Variants in CNTNAP2 observed in about 807,000 individuals in gnomAD.
CNTNAP2 encodes contactin-associated protein-like 2.
In CNTNAP2, 98 loss-of-function variants were observed where a neutral mutation model predicts 155.2. That is an observed-to-expected ratio of 0.63 (90% CI 0.54 to 0.75). The LOEUF (loss-of-function observed/expected upper bound fraction) is 0.75, where lower values mean the gene tolerates loss of function less well. CNTNAP2 is among the 30% of genes least tolerant of loss of function. The pLI, the probability that CNTNAP2 is intolerant of heterozygous loss-of-function variation, is 0.00. For missense variants in CNTNAP2, 1,727 were observed against 1,688.1 expected, an observed-to-expected ratio of 1.02 and a Z score of -0.40; for synonymous variants, 651 against 631.2, an observed-to-expected ratio of 1.03 and a Z score of -0.47.
intron 17 of CNTNAP2, among the ~76,000 whole-genome samples, chr7:148,151,021 C>T (rs1805286569): frequency 6.6e-6 from 1 of 152,046 alleles, no homozygotes; most frequent in Non-Finnish European, 1.5e-5. Context: ...TGCCTGGCCT[C>T]TTCCAATATT....
intron 11 of CNTNAP2, among the ~76,000 whole-genome samples, chr7:147,501,960 C>T (rs1390238835): frequency 6.6e-6 from 1 of 152,086 alleles, no homozygotes; most frequent in Non-Finnish European, 1.5e-5. Context: ...GAAATCTTCC[C>T]ACTTGTAATA....
At position 147,744,622 on chromosome 7, in the gene CNTNAP2, A is replaced by C. The variant is rs1797007651; in HGVS notation, c.2098+105316A>C. 3.3e-5 allele frequency among the ~76,000 whole-genome samples: 5 copies of C among 152,252 alleles called. No homozygotes were observed. In the South Asian group the frequency reaches 1.0e-3, roughly 32 times the overall value. Reference sequence around the variant, plus strand: ...TGGATGGCATAAGCAACAGAAATTTATTTTCTCACAGTTTTAGAGGCTAGA... The same window carrying C: ...TGGATGGCATAAGCAACAGAAATTTCTTTTCTCACAGTTTTAGAGGCTAGA... On this transcript the variant is annotated intron_variant, in intron 13 of 23. Coordinates refer to ENST00000361727, the MANE Select transcript of CNTNAP2 (RefSeq NM_014141.6).
intron 3 of CNTNAP2, among the ~76,000 whole-genome samples, chr7:146,896,792 A>G (rs1478095756): frequency 1.3e-5 from 2 of 152,114 alleles, no homozygotes; most frequent in African/African-American, 2.4e-5. Context: ...TTACTTTAGT[A>G]AGTAATTTTA....
At chr7:148,226,523 C>T (rs1005577700) in intron 19 of CNTNAP2, among the ~76,000 whole-genome samples, 1 of 152,166 alleles carries the variant, frequency 6.6e-6, no homozygotes, top group Non-Finnish European at 1.5e-5. Flanking sequence ...TCAGCAGCTT[C>T]CCAATCAGAT....
intron 1 of CNTNAP2, among the ~76,000 whole-genome samples, chr7:146,255,648 A>G (rs1030986778): frequency 5.3e-5 from 8 of 152,228 alleles, no homozygotes; most frequent in Admixed American, 4.6e-4. Context: ...GGTTTTATGT[A>G]TGCAAACCTG....
chr7:147,914,495 G>A (rs149671173), intron 14 of CNTNAP2, among the ~76,000 whole-genome samples: 37 of 148,134 alleles, frequency 2.5e-4, no homozygotes, highest in African/African-American at 8.3e-4. Flanking sequence ...AGCCAAGATC[G>A]CATCACTGCA....
intron 1 of CNTNAP2, among the ~76,000 whole-genome samples, chr7:146,396,027 T>C (rs747103495): frequency 6.6e-5 from 10 of 152,142 alleles, no homozygotes; most frequent in Non-Finnish European, 1.3e-4. Flanking sequence ...CGAATGTTCT[T>C]GGCACAGCAT....
chr7:146,747,645 A>C, intron 1 of CNTNAP2, among the ~76,000 whole-genome samples: 1 of 152,096 alleles, frequency 6.6e-6, no homozygotes, highest in East Asian at 1.9e-4. Context: ...GTAACCCATT[A>C]AACTCTATTT....
chr7:147,823,890 T>C (rs2116625376), intron 13 of CNTNAP2, among the ~76,000 whole-genome samples: 1 of 152,310 alleles, frequency 6.6e-6, no homozygotes, highest in African/African-American at 2.4e-5. Flanking sequence ...CAACAACTGT[T>C]ATATTTAAAA....
chr7:147,102,347 T>C (rs1046951691), intron 4 of CNTNAP2, among the ~76,000 whole-genome samples: 1 of 147,010 alleles, frequency 6.8e-6, no homozygotes, highest in Non-Finnish European at 1.5e-5. Flanking sequence ...GGATAATGGA[T>C]ATAATAAAAG....
chr7:146,822,124 A>G (rs572236202), intron 2 of CNTNAP2, among the ~76,000 whole-genome samples: 2 of 152,168 alleles, frequency 1.3e-5, no homozygotes, highest in South Asian at 4.1e-4. Flanking sequence ...CATATACACT[A>G]TGGAATACTA....
intron 1 of CNTNAP2, among the ~76,000 whole-genome samples, chr7:146,661,087 T>C (rs552452616): frequency 2.0e-5 from 3 of 152,294 alleles, no homozygotes; most frequent in Non-Finnish European, 2.9e-5. Flanking sequence ...TTGGCATTTT[T>C]CCAGAGGCAT....
chr7:146,136,411 A>G (rs1203449441), intron 1 of CNTNAP2, among the ~76,000 whole-genome samples: 1 of 152,182 alleles, frequency 6.6e-6, no homozygotes, highest in Non-Finnish European at 1.5e-5. Context: ...TTTACCATGA[A>G]CATATTTTAT....
rs186186175 is a variant in CNTNAP2, at chr7:148,017,780, A to G, written c.2383+39791A>G. On this transcript the variant is annotated intron_variant, in intron 15 of 23. Coordinates refer to ENST00000361727, the MANE Select transcript of CNTNAP2 (RefSeq NM_014141.6). ...AACTGATAGTGGTATATTACATTCC[A>G]GTGAATGACGTAAATAATAGCCTTT... Among the ~76,000 whole-genome samples the G allele has an allele frequency of 1.4e-3, 211 of 152,338 alleles. 1 individual carries two copies. Among genetic ancestry groups the G allele is most frequent in the African/African-American group, 4.8e-3 (198 of 41,576 alleles).
chr7:146,168,770 T>C (rs1468860084), intron 1 of CNTNAP2, among the ~76,000 whole-genome samples: 1 of 152,212 alleles, frequency 6.6e-6, no homozygotes, highest in Admixed American at 6.5e-5. Context: ...TTCTAGCTTT[T>C]ACCCAAGAAC....
chr7:147,473,416 C>T (rs867091583), intron 10 of CNTNAP2, among the ~76,000 whole-genome samples: 5 of 152,202 alleles, frequency 3.3e-5, no homozygotes, highest in East Asian at 1.9e-4. Context: ...CTCATGCCCA[C>T]AGAGACGCTC....
rs1449349850 is a variant in CNTNAP2 at position 146,800,671 on chromosome 7, C to T, written c.208+26290C>T. On this transcript the variant is annotated intron_variant, in intron 2 of 23. Transcript: ENST00000361727. Reference sequence around the variant, plus strand: ...AACTTATGGGGCCTTATTTAGTTGACAGGGGTGAACAGTACCTGGAATATC... The same window carrying T: ...AACTTATGGGGCCTTATTTAGTTGATAGGGGTGAACAGTACCTGGAATATC... Among the ~76,000 whole-genome samples the T allele has an allele frequency of 2.6e-5, 4 of 152,108 alleles. No homozygotes were observed. The East Asian group carries it at 7.7e-4, about 29-fold the overall frequency.
rs559459644 is a variant in CNTNAP2, at chr7:147,166,732, G to T, written c.1348+34223G>T. Among the ~76,000 whole-genome samples, 3 of 152,004 alleles carry T rather than the reference G, an allele frequency of 2.0e-5. No individual in the cohort carries two copies. In the East Asian group the frequency reaches 5.8e-4, roughly 29 times the overall value. On this transcript the variant is annotated intron_variant, in intron 8 of 23. Coordinates refer to ENST00000361727, the MANE Select transcript of CNTNAP2 (RefSeq NM_014141.6). ...AAAGGAAAATTACAGTCAAAGGGGGGTTTCTCTGGTGGGCAGAGTGGGGGT... is the reference window on the plus strand; with the variant it reads ...AAAGGAAAATTACAGTCAAAGGGGGTTTTCTCTGGTGGGCAGAGTGGGGGT...
chr7:147,223,092 A>T (rs1045912415), intron 8 of CNTNAP2, among the ~76,000 whole-genome samples: 1 of 152,076 alleles, frequency 6.6e-6, no homozygotes, highest in Non-Finnish European at 1.5e-5. Flanking sequence ...TTGGAGCAAA[A>T]CTCACAAAGT....
Sources: allele counts gnomAD v4.1 joint callset (sites outside exome capture counted in the v4.1 genomes callset), GRCh38; gene constraint gnomAD v4.1.1; transcripts MANE v1.5; gene names NCBI Gene and HGNC (gene_info 2026-07-23, HGNC 2026-07-21).